The following TNPO3 variants were observed in gnomAD, a reference collection of about 807,000 sequenced individuals.
TNPO3 encodes transportin 3, also known as transportin-3.
In TNPO3, 65 loss-of-function variants were observed where a neutral mutation model predicts 122.8. The ratio of observed to expected loss-of-function variants is 0.53; its 90% CI spans 0.43 to 0.65. The LOEUF (loss-of-function observed/expected upper bound fraction) is 0.65. TNPO3 is among the 30% of genes least tolerant of loss of function. TNPO3 has a pLI of 0.00. For missense variants in TNPO3, 850 were observed against 1,136.7 expected, an observed-to-expected ratio of 0.75 and a Z score of 3.63; for synonymous variants, 372 against 411.2, an observed-to-expected ratio of 0.90 and a Z score of 1.15.
intron 1 of TNPO3, among the ~76,000 whole-genome samples, chr7:129,049,413 G>GA (rs1335685452): frequency 6.6e-6 from 1 of 152,206 alleles, no homozygotes; most frequent in Non-Finnish European, 1.5e-5. Flanking sequence ...AATTGGAGGG[G>GA]AAAGGTGATG....
At position 128,999,041 on chromosome 7, in the gene TNPO3, T is replaced by C. The variant is rs10243192; in HGVS notation, c.1011+1388A>G. Among the ~76,000 whole-genome samples the C allele has an allele frequency of 5.2e-3, 796 of 152,092 alleles. 6 individuals carry two copies. Among genetic ancestry groups the C allele is most frequent in the African/African-American group, 0.018 (740 of 41,492 alleles). On this transcript the variant is annotated intron_variant, in intron 7 of 22. Coordinates refer to ENST00000265388, the MANE Select transcript of TNPO3 (RefSeq NM_012470.4). ...CTAATTTTTGTATTTTTAGTAAAGA[T>C]GGGGTTTCATCATGTTGGTCAGGCT...
chr7:129,002,825 G>A (rs568491630), intron 5 of TNPO3, among the ~76,000 whole-genome samples: 62 of 152,106 alleles, frequency 4.1e-4, no homozygotes, highest in African/African-American at 1.2e-3. Flanking sequence ...GGCTGAGGCC[G>A]GTAGATCACG....
chr7:129,055,265 C>G, upstream of TNPO3: 1 of 161,466 alleles, frequency 6.2e-6, no homozygotes, highest in Non-Finnish European at 1.4e-5. Flanking sequence ...AGCCGGTGTT[C>G]TCTCTGTTCC....
At chr7:129,016,857 T>C (rs1283653721) in intron 3 of TNPO3, 126 bp downstream of exon 3, 3 of 755,540 alleles carry the variant, frequency 4.0e-6, no homozygotes, top group Non-Finnish European at 6.5e-6. Context: ...TAACAAAGGT[T>C]AATAACATAA....
At position 128,992,087 on chromosome 7, in the gene TNPO3, A is replaced by G. The variant is rs758068778; in HGVS notation, c.1270T>C (p.Tyr424His). The G allele has an allele frequency of 5.7e-6, 9 of 1,576,602 alleles. No individual in the cohort carries two copies. Among genetic ancestry groups the G allele is most frequent in the Non-Finnish European group, 6.9e-6 (8 of 1,156,922 alleles). Residue 424 changes from tyrosine (Y) to histidine (H), a missense_variant, in exon 10 of 23, where the codon TAT becomes CAT. By Grantham distance (83) the Tyr-to-His change is moderately conservative. Transcript: ENST00000265388. Reference protein sequence around the residue: ...IGSMECFAQLYSTLKEGNPPW... With the variant: ...IGSMECFAQLHSTLKEGNPPW... ...GGGTTGCCTTCTTTCAGAGTAGAAT[A>G]TAACTAGAGAAGAAGAGGTGGATTA...
At chr7:129,041,105 C>T (rs1807325851) in intron 1 of TNPO3, among the ~76,000 whole-genome samples, 1 of 152,012 alleles carries the variant, frequency 6.6e-6, no homozygotes, top group Non-Finnish European at 1.5e-5. Flanking sequence ...TGGCTCACAC[C>T]TGTAATCCCC....
At chr7:128,964,626 C>T (rs1422168368) in intron 21 of TNPO3, among the ~76,000 whole-genome samples, 4 of 152,116 alleles carry the variant, frequency 2.6e-5, no homozygotes, top group Non-Finnish European at 4.4e-5. Flanking sequence ...TGAGCCACCG[C>T]GCCTGGCCAC....
chr7:129,025,912 G>A (rs1805094003), intron 1 of TNPO3, among the ~76,000 whole-genome samples: 1 of 152,110 alleles, frequency 6.6e-6, no homozygotes, highest in South Asian at 2.1e-4. Context: ...GGTCACCTGA[G>A]GTCAGGAGTT....
intron 15 of TNPO3, 22 bp from the exon 16 acceptor site, chr7:128,979,145 A>G: frequency 4.3e-6 from 7 of 1,612,268 alleles, no homozygotes; most frequent in Non-Finnish European, 5.1e-6. Flanking sequence ...GTAAAAGAGC[A>G]CAAGAAAGAA....
intron 20 of TNPO3, among the ~76,000 whole-genome samples, chr7:128,969,873 A>G (rs1585324364): frequency 6.6e-6 from 1 of 152,254 alleles, no homozygotes; most frequent in Non-Finnish European, 1.5e-5. Flanking sequence ...CAAATTTCAC[A>G]TTGGACAGCC....
At chr7:129,053,752 A>G (rs1809104329) in intron 1 of TNPO3, among the ~76,000 whole-genome samples, 1 of 152,190 alleles carries the variant, frequency 6.6e-6, no homozygotes, top group Non-Finnish European at 1.5e-5. Flanking sequence ...TTTAGTTTTC[A>G]AAGTACTTAA....
Position 128,986,884 on chromosome 7 carries a change from T to C in TNPO3, c.1535A>G (p.Glu512Gly). 6.2e-7 allele frequency: 1 copy of C among 1,613,584 alleles called. No homozygotes were observed. Among genetic ancestry groups the C allele is most frequent in the Non-Finnish European group, 8.5e-7 (1 of 1,179,868 alleles). ...GGCTGCAGCAGAAGCCAGGGGCTTT[T>C]CACACAGGCCTTTCATCAAATAGCC... ...VLGYLMKGLC[E>G]KPLASAAAKA... The change falls in exon 12 of 23, where the codon GAA becomes GGA. Residue 512 changes from glutamate to glycine, a missense_variant. Transcript: ENST00000265388.
chr7:128,970,434 G>T, intron 19 of TNPO3, 119 bp from the exon 20 acceptor site: 1 of 863,646 alleles, frequency 1.2e-6, no homozygotes, highest in Non-Finnish European at 1.8e-6. Flanking sequence ...GTGTGCACGC[G>T]TGGCTGTGTG....
chr7:128,986,520 T>C (rs979042141), intron 12 of TNPO3, among the ~76,000 whole-genome samples: 3 of 152,234 alleles, frequency 2.0e-5, no homozygotes, highest in African/African-American at 4.8e-5. Context: ...GTAGTATTAA[T>C]TAATTATATA....
chr7:128,974,442 A>G (rs1563089913), intron 18 of TNPO3, among the ~76,000 whole-genome samples: 1 of 151,862 alleles, frequency 6.6e-6, no homozygotes. Context: ...ACAGTATGAG[A>G]TAACTGCTAA....
In TNPO3 at chr7:128,979,061, A is replaced by G. The variant is rs563573155; in HGVS notation, c.1983T>C (p.Arg661=). The G allele has an allele frequency of 1.2e-6, 2 of 1,614,242 alleles. No individual in the cohort carries two copies. Among genetic ancestry groups the G allele is most frequent in the African/African-American group, 1.3e-5 (1 of 75,068 alleles). ...CAGCAAAGCGCAGGCACCTGCAACAACGCTCTACAATCCGATTATCAGCTC... is the reference window on the plus strand; with the variant it reads ...CAGCAAAGCGCAGGCACCTGCAACAGCGCTCTACAATCCGATTATCAGCTC... ...KHRADNRIVE[R]CCRCLRFAVR... is the part of the protein sequence containing the mutation. Residue 661 remains arginine (R), a synonymous_variant, in exon 16 of 23, where the codon CGT becomes CGC. Coordinates refer to ENST00000265388, the MANE Select transcript of TNPO3 (RefSeq NM_012470.4).
At chr7:129,021,879 G>A (rs925446742) in intron 1 of TNPO3, among the ~76,000 whole-genome samples, 2 of 151,694 alleles carry the variant, frequency 1.3e-5, no homozygotes, top group South Asian at 4.2e-4. Context: ...AAGACTAGGA[G>A]GAATTTCACA....
rs540529664 is a variant in TNPO3 at position 128,985,377 on chromosome 7, T to C, written c.1691-1118A>G. 4.6e-5 allele frequency among the ~76,000 whole-genome samples: 7 copies of C among 152,290 alleles called. No homozygotes were observed. In the South Asian group the frequency reaches 1.5e-3, roughly 32 times the overall value. On this transcript the variant is annotated intron_variant, in intron 12 of 22. Transcript: ENST00000265388. ...TGGGAGGCCAAGGCAGGAGGATCAC[T>C]TGAAGCCATGAGTTCAAGACCAGCC...
intron 4 of TNPO3, among the ~76,000 whole-genome samples, chr7:129,007,785 G>A (rs2150401115): frequency 6.6e-6 from 1 of 152,304 alleles, no homozygotes; most frequent in East Asian, 1.9e-4. Flanking sequence ...CTAGGATATA[G>A]ACTTCTGAGA....
Sources: gnomAD v4.1 joint callset for allele counts (sites outside exome capture counted in the v4.1 genomes callset) on GRCh38, gnomAD v4.1.1 for gene constraint, MANE v1.5 for transcripts, NCBI Gene and HGNC (gene_info 2026-07-23, HGNC 2026-07-21) for gene names.